The following SPTLC1 variants were observed in gnomAD, a reference collection of about 807,000 sequenced individuals.
SPTLC1 encodes the protein serine palmitoyltransferase 1.
SPTLC1 carries 55 observed loss-of-function variants against 68.9 expected under a neutral mutation model. The observed-to-expected ratio is 0.80, with a 90% CI of 0.64 to 1.00. The LOEUF (loss-of-function observed/expected upper bound fraction) is 1.00, where lower values mean the gene tolerates loss of function less well. Ranked by LOEUF, SPTLC1 falls within the 50% of genes least tolerant of loss-of-function variation. The pLI is 0.00. For synonymous variants in SPTLC1, 197 were observed against 201.6 expected (o/e 0.98, Z 0.19); for missense variants, 449 against 573.1 (o/e 0.78, Z 2.21).
intron 6 of SPTLC1, among the ~76,000 whole-genome samples, chr9:92,062,520 C>G (rs1277299764): frequency 6.6e-6 from 1 of 152,158 alleles, no homozygotes; most frequent in Non-Finnish European, 1.5e-5. Flanking sequence ...TTATAGAACA[C>G]TCCACCAAAC....
At chr9:92,043,064 C>T (rs1207912700) in intron 12 of SPTLC1, among the ~76,000 whole-genome samples, 5 of 152,170 alleles carry the variant, frequency 3.3e-5, no homozygotes, top group Non-Finnish European at 5.9e-5. Context: ...TCATCTAGGC[C>T]GTGTCCACCT....
At chr9:92,115,085 C>T (rs1836399260) in intron 1 of SPTLC1, 1 of 592,614 alleles carries the variant, frequency 1.7e-6, no homozygotes, top group Non-Finnish European at 3.0e-6. Context: ...GGACCCGGAG[C>T]ATAAGAATTC....
intron 8 of SPTLC1, 27 bp from the exon 9 acceptor site, chr9:92,050,094 C>A: frequency 7.3e-7 from 1 of 1,371,212 alleles, no homozygotes; most frequent in Non-Finnish European, 1.0e-6. Context: ...CGTTAAAATA[C>A]TAATGATTAG....
At position 92,112,530 on chromosome 9, in the gene SPTLC1, A is replaced by T. The variant is rs1464522642; in HGVS notation, c.90T>A (p.Ile30=). The T allele has an allele frequency of 6.2e-7, 1 of 1,608,916 alleles. No homozygotes were observed. Among genetic ancestry groups the T allele is most frequent in the African/African-American group, 1.3e-5 (1 of 75,018 alleles). Residue 30 remains isoleucine, a synonymous_variant, in exon 2 of 15, where the codon ATT becomes ATA. Transcript: ENST00000262554. ...APAYHLILEG[I]LILWIIRLLF... is the part of the protein sequence containing the mutation. ...GAAGTCTGATTATCCAGAGGATCAG[A>T]ATCCCTTCCAAAATAAGATGGTAAG...
intron 3 of SPTLC1, among the ~76,000 whole-genome samples, chr9:92,084,971 A>G (rs1055234519): frequency 6.6e-6 from 1 of 152,184 alleles, no homozygotes; most frequent in Non-Finnish European, 1.5e-5. Flanking sequence ...TAGTCTTGGA[A>G]GGGTGTATGT....
chr9:92,075,802 G>A (rs2118650409), intron 5 of SPTLC1, among the ~76,000 whole-genome samples: 1 of 152,180 alleles, frequency 6.6e-6, no homozygotes, highest in South Asian at 2.1e-4. Flanking sequence ...ATCTCATGGG[G>A]ACCATTGCCT....
intron 6 of SPTLC1, among the ~76,000 whole-genome samples, chr9:92,064,173 A>T (rs890637287): frequency 1.3e-5 from 2 of 152,210 alleles, no homozygotes; most frequent in Non-Finnish European, 1.5e-5. Context: ...CTCAGCACAC[A>T]AAAAATCCAC....
chr9:92,032,846 A>C lies in SPTLC1; in HGVS notation c.1329-288T>G, dbSNP rs539646708. ...AGCCGAGATCGCGCCATTGCACTCC[A>C]GCCTGGGCAACAGAGTGAGACTCTG... is the stretch of plus-strand genomic sequence containing the variant. On this transcript the variant is annotated intron_variant, in intron 14 of 14. Coordinates refer to ENST00000262554, the MANE Select transcript of SPTLC1 (RefSeq NM_006415.4). 2.6e-5 allele frequency among the ~76,000 whole-genome samples: 4 copies of C among 151,232 alleles called. No homozygotes were observed. The East Asian group carries it at 7.8e-4, about 29-fold the overall frequency.
At chr9:92,036,749 G>A (rs1349103373) in intron 13 of SPTLC1, among the ~76,000 whole-genome samples, 1 of 152,166 alleles carries the variant, frequency 6.6e-6, no homozygotes, top group Non-Finnish European at 1.5e-5. Context: ...GTATAAATGC[G>A]TTTTAGTTTT....
At chr9:92,114,572 A>C (rs1836367629) in intron 1 of SPTLC1, among the ~76,000 whole-genome samples, 1 of 152,000 alleles carries the variant, frequency 6.6e-6, no homozygotes, top group African/African-American at 2.4e-5. Flanking sequence ...CCCGTCTCTA[A>C]TAAAAATACA....
intron 3 of SPTLC1, among the ~76,000 whole-genome samples, chr9:92,101,479 G>A (rs1403015040): frequency 1.4e-5 from 2 of 146,848 alleles, no homozygotes; most frequent in African/African-American, 5.0e-5. Flanking sequence ...GGAGAATGGC[G>A]TGAACCTGGG....
At chr9:92,115,267 C>G in intron 1 of SPTLC1, 47 bp downstream of exon 1, 1 of 1,599,162 alleles carries the variant, frequency 6.3e-7, no homozygotes, top group African/African-American at 1.3e-5. Context: ...CTCCCACCCT[C>G]CCCGGGCCCG....
At chr9:92,098,195 T>G (rs1835608355) in intron 3 of SPTLC1, among the ~76,000 whole-genome samples, 1 of 152,140 alleles carries the variant, frequency 6.6e-6, no homozygotes, top group Non-Finnish European at 1.5e-5. Flanking sequence ...TCGGGTACCC[T>G]GACTCAGCAT....
Position 92,112,435 on chromosome 9 carries a change from A to G in SPTLC1, c.165+20T>C. 3 of 1,500,196 alleles carry G rather than the reference A, an allele frequency of 2.0e-6. No homozygotes were observed. The highest frequency in any genetic ancestry group is 2.8e-6 in the Non-Finnish European group (3 of 1,078,538). The allele number at this position is 1,500,196 out of a possible 1,614,324, so 92.9% of individuals were successfully genotyped here. ...TATAATCACATACCCAATAATTAAA[A>G]CAGAGATTTAATTTCGTACCTTGAC... On this transcript the variant is annotated intron_variant, in intron 2 of 14. Coordinates refer to ENST00000262554, the MANE Select transcript of SPTLC1 (RefSeq NM_006415.4).
chr9:92,075,365 A>ATAAACTCACAAAAGGAAACTTAGC (rs1834647090), intron 5 of SPTLC1, among the ~76,000 whole-genome samples: 1 of 152,126 alleles, frequency 6.6e-6, no homozygotes, highest in South Asian at 2.1e-4. Flanking sequence ...AAACCACTCT[A>ATAAACTCACAAAAGGAAACTTAGC]TAAACTCACA....
At chr9:92,056,561 C>T (rs1833899053) in intron 7 of SPTLC1, among the ~76,000 whole-genome samples, 1 of 152,116 alleles carries the variant, frequency 6.6e-6, no homozygotes, top group Non-Finnish European at 1.5e-5. Flanking sequence ...TTCACACACT[C>T]TGCTCAGAGC....
At chr9:92,104,506 G>T (rs1340288975) in intron 3 of SPTLC1, 1 of 1,417,260 alleles carries the variant, frequency 7.1e-7, no homozygotes. Flanking sequence ...CCCCCTCAAG[G>T]AAGAAACCCG....
At chr9:92,081,027 TTG>T in intron 3 of SPTLC1, 64 bp from the exon 4 acceptor site, 1 of 1,259,966 alleles carries the variant, frequency 7.9e-7, no homozygotes, top group African/African-American at 1.5e-5. Context: ...TCATATTACC[TTG>T]GTGGTAGGCA....
chr9:92,108,497 A>G, intron 3 of SPTLC1: 1 of 465,716 alleles, frequency 2.1e-6, no homozygotes, highest in Non-Finnish European at 4.0e-6. Context: ...CATTGGAAAT[A>G]TTAACATGTG....
Sources: allele counts gnomAD v4.1 joint callset (sites outside exome capture counted in the v4.1 genomes callset), GRCh38; gene constraint gnomAD v4.1.1; transcripts MANE v1.5; gene names NCBI Gene and HGNC (gene_info 2026-07-23, HGNC 2026-07-21).